Variants in VSIG1 observed in about 807,000 individuals in gnomAD.
The protein encoded by VSIG1 is V-set and immunoglobulin domain containing 1, also known as V-set and immunoglobulin domain-containing protein 1.
VSIG1 carries 11 observed loss-of-function variants against 20.1 expected under a neutral mutation model. The observed-to-expected ratio is 0.55, with a 90% CI of 0.34 to 0.91. The LOEUF (loss-of-function observed/expected upper bound fraction) is 0.91. VSIG1 is among the 40% of genes least tolerant of loss of function. The pLI is 0.02. For synonymous variants in VSIG1, 126 were observed against 116.7 expected (o/e 1.08, Z -0.52); for missense variants, 283 against 298.8 (o/e 0.95, Z 0.39).
chrX:108,038,150 G>A, the VSIG1 span, among the ~76,000 whole-genome samples: 2 of 111,045 alleles, frequency 1.8e-5, no homozygotes, highest in Non-Finnish European at 3.8e-5. Context: ...TTTTACATAT[G>A]TTTACATGTG....
In VSIG1 at chrX:108,076,171, A is replaced by G. The variant is rs767104405; in HGVS notation, c.783A>G (p.Ala261=). Reference sequence around the variant, plus strand: ...TTGTGTGCTTCGCAAGGAATAAGGCAAAAGCAAAGGCAAAAGAAAGAAATT... The same window carrying G: ...TTGTGTGCTTCGCAAGGAATAAGGCGAAAGCAAAGGCAAAAGAAAGAAATT... ...ISVVCFARNK[A]KAKAKERNSK... The change falls in exon 6 of 7, where the codon GCA becomes GCG. Residue 261 remains alanine (A), a synonymous_variant. Transcript: ENST00000217957. 1 of 1,209,179 alleles carries G rather than the reference A, an allele frequency of 8.3e-7. No homozygotes were observed. Among genetic ancestry groups the G allele is most frequent in the Non-Finnish European group, 1.1e-6 (1 of 894,542 alleles).
chrX:108,043,587 A>T (rs1353320157), upstream of VSIG1, among the ~76,000 whole-genome samples: 1 of 112,067 alleles, frequency 8.9e-6, no homozygotes, highest in Non-Finnish European at 1.9e-5. Context: ...TGACTGATCT[A>T]TGCTAAGAAT....
chrX:108,034,994 C>T, the VSIG1 span, among the ~76,000 whole-genome samples: 1 of 112,380 alleles, frequency 8.9e-6, no homozygotes, highest in Non-Finnish European at 1.9e-5. Context: ...CTTTTGTTTG[C>T]TTCTTATGAT....
At chrX:108,076,990 G>A in intron 6 of VSIG1, 58 bp from the exon 7 acceptor site, 1 of 1,093,331 alleles carries the variant, frequency 9.1e-7, no homozygotes, top group African/African-American at 1.8e-5. Context: ...GGTTTCACAT[G>A]AAATTTCAAA....
chrX:108,065,612 T>G (rs972254773), intron 2 of VSIG1, among the ~76,000 whole-genome samples: 3 of 112,107 alleles, frequency 2.7e-5, no homozygotes, highest in Non-Finnish European at 5.6e-5. Context: ...ATCTACATGA[T>G]TTTTGTCATA....
intron 1 of VSIG1, among the ~76,000 whole-genome samples, chrX:108,056,076 C>T (rs1007845994): frequency 2.7e-5 from 3 of 111,457 alleles, no homozygotes; most frequent in Admixed American, 9.5e-5. Context: ...CCTCCCTCTC[C>T]GTTTTCTTAT....
upstream of VSIG1, among the ~76,000 whole-genome samples, chrX:108,042,658 G>A (rs1279942095): frequency 1.8e-5 from 2 of 111,356 alleles, no homozygotes; most frequent in Non-Finnish European, 3.8e-5. Flanking sequence ...TCCAGGGTGG[G>A]GGGCATTGTG....
intron 5 of VSIG1, among the ~76,000 whole-genome samples, chrX:108,075,147 G>A (rs1314065855): frequency 9.0e-6 from 1 of 111,541 alleles, no homozygotes; most frequent in African/African-American, 3.3e-5. Context: ...GAACATGGTG[G>A]GTGTGAGGGG....
intron 1 of VSIG1, among the ~76,000 whole-genome samples, chrX:108,052,799 A>T (rs807176): frequency 0.046 from 5,177 of 111,813 alleles, 321 homozygotes; most frequent in African/African-American, 0.16. Context: ...AGTTAAAAAC[A>T]AGAATTTAAA....
chrX:108,021,692 C>T, the VSIG1 span, among the ~76,000 whole-genome samples: 1 of 112,456 alleles, frequency 8.9e-6, no homozygotes, highest in Non-Finnish European at 1.9e-5. Context: ...TTAGCTCTTA[C>T]ATTTAGGTAT....
At chrX:108,075,663 GAGTGCA>G in intron 5 of VSIG1, among the ~76,000 whole-genome samples, 1 of 111,250 alleles carries the variant, frequency 9.0e-6, no homozygotes, top group East Asian at 2.8e-4. Flanking sequence ...CCAGTGACCA[GAGTGCA>G]TGAGGTTCCT....
At chrX:108,047,935 C>T (rs7887145) in intron 1 of VSIG1, among the ~76,000 whole-genome samples, 8 of 38,604 alleles carry the variant, frequency 2.1e-4, no homozygotes, top group Admixed American at 4.1e-4. Flanking sequence ...TATATATATA[C>T]ACATATATAT....
upstream of VSIG1, among the ~76,000 whole-genome samples, chrX:108,040,464 G>A (rs757693350): frequency 8.9e-6 from 1 of 111,993 alleles, no homozygotes; most frequent in East Asian, 2.8e-4. Flanking sequence ...TCTTAATGGA[G>A]GTATGGTTTG....
chrX:108,049,446 T>C (rs909822859), intron 1 of VSIG1, among the ~76,000 whole-genome samples: 1 of 111,949 alleles, frequency 8.9e-6, no homozygotes, highest in Non-Finnish European at 1.9e-5. Flanking sequence ...ACAAAATGGG[T>C]GCTCAATTGA....
At chrX:108,045,023 C>A (rs910518638), upstream of VSIG1, 2 of 594,179 alleles carry the variant, frequency 3.4e-6, no homozygotes, top group African/African-American at 2.3e-5. Flanking sequence ...TGGCGATGCC[C>A]AGCAGATAAG....
At chrX:108,064,076 C>G (rs1201114074) in intron 2 of VSIG1, among the ~76,000 whole-genome samples, 2 of 112,417 alleles carry the variant, frequency 1.8e-5, no homozygotes, top group Non-Finnish European at 3.8e-5. Context: ...AAAGTGGAAT[C>G]AAGTTGTAGC....
chrX:108,054,624 C>A (rs1335082681), intron 1 of VSIG1, among the ~76,000 whole-genome samples: 1 of 110,811 alleles, frequency 9.0e-6, no homozygotes, highest in Non-Finnish European at 1.9e-5. Flanking sequence ...AGAGTATATT[C>A]TCTGACTACA....
At chrX:108,047,468 T>C (rs1438692154) in intron 1 of VSIG1, among the ~76,000 whole-genome samples, 1 of 110,801 alleles carries the variant, frequency 9.0e-6, no homozygotes, top group African/African-American at 3.3e-5. Flanking sequence ...TGGGTTTCAT[T>C]TTCTGGAGGT....
intron 2 of VSIG1, among the ~76,000 whole-genome samples, chrX:108,063,223 G>T (rs1343838971): frequency 9.0e-6 from 1 of 111,608 alleles, no homozygotes; most frequent in East Asian, 2.8e-4. Flanking sequence ...TTGGGCTGGA[G>T]CAGGGAATGG....
Sources: gnomAD v4.1 joint callset for allele counts (sites outside exome capture counted in the v4.1 genomes callset) on GRCh38, gnomAD v4.1.1 for gene constraint, MANE v1.5 for transcripts, NCBI Gene and HGNC (gene_info 2026-07-23, HGNC 2026-07-21) for gene names.